The following CLIP2 variants were observed in gnomAD, a reference collection of about 807,000 sequenced individuals.
CLIP2 encodes CAP-Gly domain-containing linker protein 2.
Under a neutral mutation model 111.7 loss-of-function variants are expected in CLIP2, and 41 were observed. That is an observed-to-expected ratio of 0.37 (90% CI 0.29 to 0.48). The LOEUF (loss-of-function observed/expected upper bound fraction) is 0.48. Among genes scored for constraint, CLIP2 ranks in the 20% least tolerant of loss-of-function variants. The pLI is 0.99. For missense variants in CLIP2, 1,160 were observed against 1,422.1 expected (o/e 0.82, Z 2.96); for synonymous variants, 660 against 644.2 (o/e 1.02, Z -0.37).
At chr7:74,392,985 C>T (rs1554316097) in intron 13 of CLIP2, among the ~76,000 whole-genome samples, 2 of 152,044 alleles carry the variant, frequency 1.3e-5, no homozygotes, top group Non-Finnish European at 2.9e-5. Context: ...CCCCACTTTC[C>T]CTTCATTATT....
intron 3 of CLIP2, among the ~76,000 whole-genome samples, chr7:74,342,308 G>A (rs1157777200): frequency 6.6e-6 from 1 of 152,060 alleles, no homozygotes; most frequent in African/African-American, 2.4e-5. Context: ...CCTGGGAGGC[G>A]GAGATTGCAG....
chr7:74,299,133 A>C (rs898770675), intron 1 of CLIP2, among the ~76,000 whole-genome samples: 2 of 151,952 alleles, frequency 1.3e-5, no homozygotes, highest in Admixed American at 6.6e-5. Context: ...GGAGTTGGAG[A>C]CCAGCCTGGG....
Position 74,317,671 on chromosome 7 carries a change from C to T in CLIP2, c.121+4C>T, listed in dbSNP as rs781842379. The T allele has an allele frequency of 2.2e-5, 32 of 1,450,748 alleles. No individual in the cohort carries two copies. Among genetic ancestry groups the T allele is most frequent in the East Asian group, 5.3e-5 (2 of 38,060 alleles). 89.9% of individuals were successfully genotyped at this position (1,450,748 alleles called of 1,614,324 possible). On this transcript the variant is annotated splice_donor_region_variant and intron_variant, in intron 2 of 16. Coordinates refer to ENST00000223398, the MANE Select transcript of CLIP2 (RefSeq NM_003388.5). ...GTGGCCGCTAGCTCCAAGGAAGGTA[C>T]GTGGCACACCAAGGATGGGGGGTGA... is the stretch of plus-strand genomic sequence containing the variant.
chr7:74,314,190 A>G (rs1788711799), intron 1 of CLIP2, among the ~76,000 whole-genome samples: 1 of 150,484 alleles, frequency 6.6e-6, no homozygotes, highest in African/African-American at 2.4e-5. Context: ...AAAAAAAAAA[A>G]AAAAAATTGG....
Position 74,376,683 on chromosome 7 carries a change from A to C in CLIP2, c.2282A>C (p.Lys761Thr), listed in dbSNP as rs782508881. The C allele has an allele frequency of 6.2e-7, 1 of 1,613,378 alleles. No homozygotes were observed. The highest frequency in any genetic ancestry group is 8.5e-7 in the Non-Finnish European group (1 of 1,179,864). ...FLKEQISLAEKKMLDYERLQR... is the reference protein window; with the variant it reads ...FLKEQISLAETKMLDYERLQR... The stretch of plus-strand genomic sequence containing the variant: ...AAGGAGCAGATCTCGCTGGCCGAGA[A>C]GAAGATGTTGGACTACGAGCGGCTG... Residue 761 changes from lysine (K) to threonine (T), a missense_variant, in exon 10 of 17, where the codon AAG becomes ACG. By Grantham distance (78) the Lys-to-Thr change is moderately conservative (BLOSUM62 -1). Transcript: ENST00000223398. The surrounding 1 kb of genome is among the most constrained non-coding windows in gnomAD (Gnocchi z 7.1).
chr7:74,342,179 C>T (rs781814409), intron 3 of CLIP2, among the ~76,000 whole-genome samples: 2 of 151,920 alleles, frequency 1.3e-5, no homozygotes, highest in Non-Finnish European at 2.9e-5. Context: ...AGTTCGAGAC[C>T]AGCCTCACCA....
At chr7:74,334,399 G>A (rs1342240501) in intron 2 of CLIP2, among the ~76,000 whole-genome samples, 4 of 152,084 alleles carry the variant, frequency 2.6e-5, no homozygotes, top group African/African-American at 7.2e-5. Flanking sequence ...GGAGGGAGTC[G>A]GGGAGAGATT....
chr7:74,336,395 G>T (rs1789459888), intron 2 of CLIP2, among the ~76,000 whole-genome samples: 2 of 152,016 alleles, frequency 1.3e-5, no homozygotes, highest in Admixed American at 1.3e-4. Flanking sequence ...TAAAGGAAAA[G>T]AAGTTTAATG....
At chr7:74,367,905 T>C (rs1790505427) in intron 8 of CLIP2, among the ~76,000 whole-genome samples, 1 of 151,438 alleles carries the variant, frequency 6.6e-6, no homozygotes, top group African/African-American at 2.4e-5. Context: ...AGCAAGACCG[T>C]GTTTCTACAA....
intron 1 of CLIP2, among the ~76,000 whole-genome samples, chr7:74,308,508 ATATT>A (rs1411195965): frequency 6.6e-6 from 1 of 151,828 alleles, no homozygotes; most frequent in African/African-American, 2.4e-5. Flanking sequence ...TTATTTATTT[ATATT>A]TATTTATTTT....
intron 1 of CLIP2, among the ~76,000 whole-genome samples, chr7:74,300,644 G>A (rs1391482979): frequency 1.3e-5 from 2 of 151,778 alleles, no homozygotes; most frequent in African/African-American, 2.4e-5. Flanking sequence ...TTTTAGTAGA[G>A]ACGGGTTTTC....
chr7:74,388,265 G>A (rs1189081307), intron 12 of CLIP2, among the ~76,000 whole-genome samples: 1 of 152,078 alleles, frequency 6.6e-6, no homozygotes, highest in Non-Finnish European at 1.5e-5. Context: ...CCGGGAGGTA[G>A]AGGTTGCAAT....
intron 8 of CLIP2, among the ~76,000 whole-genome samples, chr7:74,371,421 G>A (rs1033523023): frequency 2.0e-5 from 3 of 151,564 alleles, no homozygotes; most frequent in Non-Finnish European, 4.4e-5. Flanking sequence ...TGTGCCCACC[G>A]ACGGGGATAG....
At chr7:74,402,885 C>T (rs1554317950) in intron 16 of CLIP2, among the ~76,000 whole-genome samples, 1 of 152,078 alleles carries the variant, frequency 6.6e-6, no homozygotes, top group African/African-American at 2.4e-5. Context: ...CCTGGCCACC[C>T]TGCGAGACAC....
At chr7:74,387,560 GCTT>G (rs1390153924) in intron 12 of CLIP2, among the ~76,000 whole-genome samples, 34 of 152,078 alleles carry the variant, frequency 2.2e-4, no homozygotes, top group Non-Finnish European at 1.5e-5. Flanking sequence ...CCCTGGCCCT[GCTT>G]CTTGTTCACC....
At chr7:74,386,043 C>CT (rs71519330) in intron 11 of CLIP2, among the ~76,000 whole-genome samples, 24,968 of 124,004 alleles carry the variant, frequency 0.2, 2,775 homozygotes, top group Middle Eastern at 0.34. Flanking sequence ...CGCCCAGCCT[C>CT]TTTTTTTTTT....
chr7:74,338,912 G>T lies in CLIP2; in HGVS notation c.586G>T (p.Val196Leu). ...PLRESVLNSS[V>L]KTGNESGSNL... ...GCGGGAGAGCGTCCTCAACAGCTCCGTGAAGACTGGCAACGAGTCGGGATC... is the reference window on the plus strand; with the variant it reads ...GCGGGAGAGCGTCCTCAACAGCTCCTTGAAGACTGGCAACGAGTCGGGATC... Residue 196 changes from valine (V) to leucine (L), a missense_variant, in exon 3 of 17, where the codon GTG (valine) becomes TTG (leucine). This residue lies in a region of CLIP2 where 301 missense variants were observed against 315.2 expected (regional missense o/e 0.96). Coordinates refer to ENST00000223398, the MANE Select transcript of CLIP2 (RefSeq NM_003388.5). This position sits in a 1 kb window ranked among gnomAD's most constrained non-coding sequence, Gnocchi z 4.3. 1 of 1,603,482 alleles carries T rather than the reference G, an allele frequency of 6.2e-7. No individual in the cohort carries two copies.
chr7:74,298,091 T>G (rs577614042), intron 1 of CLIP2, among the ~76,000 whole-genome samples: 1 of 152,038 alleles, frequency 6.6e-6, no homozygotes, highest in South Asian at 2.1e-4. Context: ...ACGCTTGCAA[T>G]CTCAGCGCTT....
At chr7:74,332,246 G>A (rs1789308978) in intron 2 of CLIP2, among the ~76,000 whole-genome samples, 1 of 151,898 alleles carries the variant, frequency 6.6e-6, no homozygotes, top group Non-Finnish European at 1.5e-5. Flanking sequence ...GCCAATTTTT[G>A]TATTTTTAGT....
Sources: allele counts gnomAD v4.1 joint callset (sites outside exome capture counted in the v4.1 genomes callset), GRCh38; gene constraint gnomAD v4.1.1; regional missense constraint gnomAD v4.1.1; non-coding constraint Gnocchi (gnomAD v3.1); transcripts MANE v1.5; gene names NCBI Gene and HGNC (gene_info 2026-07-23, HGNC 2026-07-21).